DYRK4: variants seen among roughly 807,000 people sequenced by gnomAD.
The protein encoded by DYRK4 is dual specificity tyrosine-phosphorylation-regulated kinase 4.
A neutral mutation model predicts 68.3 loss-of-function variants in DYRK4; 64 were observed. The observed-to-expected ratio is 0.94, with a 90% CI of 0.77 to 1.15. DYRK4 has a LOEUF of 1.15. DYRK4 is among the 50% of genes most tolerant of loss of function. The probability of loss-of-function intolerance (pLI) is 0.00; values close to 1 mark genes in which losing one functional copy is unlikely to be tolerated. For synonymous variants in DYRK4, 274 were observed against 289.9 expected (o/e 0.95, Z 0.56); for missense variants, 740 against 764.7 (o/e 0.97, Z 0.38).
At chr12:4,602,163 G>T (rs1945088651) in intron 10 of DYRK4, 3 of 689,862 alleles carry the variant, frequency 4.3e-6, no homozygotes, top group Non-Finnish European at 5.3e-6. Flanking sequence ...ATATCTGTAT[G>T]AACTTATTTT....
intron 12 of DYRK4, among the ~76,000 whole-genome samples, chr12:4,608,529 TTATAA>T (rs1945180227): frequency 6.6e-6 from 1 of 151,722 alleles, no homozygotes; most frequent in African/African-American, 2.4e-5. Context: ...CATGTGGGGG[TTATAA>T]TTTGTCTATT....
At chr12:4,585,828 A>T (rs1944891464) in intron 2 of DYRK4, among the ~76,000 whole-genome samples, 1 of 152,252 alleles carries the variant, frequency 6.6e-6, no homozygotes, top group African/African-American at 2.4e-5. Flanking sequence ...ACATATTCAT[A>T]CAAAAAGTTT....
Position 4,604,920 on chromosome 12 carries a change from C to A in DYRK4, c.1133C>A (p.Thr378Lys), listed in dbSNP as rs370360080. Residue 378 changes from threonine to lysine, a missense_variant, in exon 11 of 15, where the codon ACG (threonine) becomes AAG (lysine). This residue lies in a region of DYRK4 where 614 missense variants were observed against 603.7 expected (regional missense o/e 1.02). Coordinates refer to ENST00000543431, the MANE Select transcript of DYRK4 (RefSeq NM_001394779.1). ...SSCYEHQKVY[T>K]YIQSRFYRSP... ...TCTTACTTTGCCTCCGCAGTATACA[C>A]GTACATCCAAAGCCGGTTCTACCGA... 1 of 1,607,440 alleles carries A rather than the reference C, an allele frequency of 6.2e-7. No homozygotes were observed. Among genetic ancestry groups the A allele is most frequent in the African/African-American group, 1.3e-5 (1 of 74,840 alleles).
At chr12:4,569,065 A>T (rs1340400175) in intron 2 of DYRK4, among the ~76,000 whole-genome samples, 2 of 152,146 alleles carry the variant, frequency 1.3e-5, no homozygotes, top group Non-Finnish European at 2.9e-5. Context: ...TAAAATTATG[A>T]CTTTAGGTTT....
At position 4,588,998 on chromosome 12, in the gene DYRK4, T is replaced by G. The variant is rs1213354648; in HGVS notation, c.194T>G (p.Met65Arg). ...CCTTCCAATATCAAGAACTCCAGAA[T>G]GACCCAAGTCTTTCATAAGGTAGGG... ...KPPSNIKNSR[M>R]TQVFHKNTSV... The change falls in exon 3 of 15, where the codon ATG becomes AGG. Residue 65 changes from methionine (M) to arginine (R), a missense_variant. Around this residue, in one of 3 missense-constraint regions of DYRK4, gnomAD observed 56 missense variants for 89.9 expected, o/e 0.62. Transcript: ENST00000543431. The G allele has an allele frequency of 6.5e-7, 1 of 1,536,156 alleles. No individual in the cohort carries two copies.
At chr12:4,581,047 G>A in intron 2 of DYRK4, 1 of 339,698 alleles carries the variant, frequency 2.9e-6, no homozygotes, top group Non-Finnish European at 5.8e-6. Flanking sequence ...GCTCTAACTA[G>A]CCCTAAATAG....
Position 4,577,568 on chromosome 12 carries a change from T to C in DYRK4, c.132+9520T>C, listed in dbSNP as rs974659333. On this transcript the variant is annotated intron_variant, in intron 2 of 14. Transcript: ENST00000543431. ...GTAAGTCTTGAGGTTGGGTCATCAG[T>C]CCTCTAACTTTGCTGTTCTTTGGTT... Among the ~76,000 whole-genome samples the C allele has an allele frequency of 7.9e-5, 12 of 152,330 alleles. No individual in the cohort carries two copies. The East Asian group carries it at 2.3e-3, about 29-fold the overall frequency.
At chr12:4,571,302 T>C (rs12306837) in intron 2 of DYRK4, among the ~76,000 whole-genome samples, 9,273 of 152,296 alleles carry the variant, frequency 0.061, 482 homozygotes, top group African/African-American at 0.14. Context: ...AGCTACTTTT[T>C]CTCTGTTAAT....
intron 2 of DYRK4, among the ~76,000 whole-genome samples, chr12:4,586,694 C>T (rs1178064697): frequency 8.3e-6 from 1 of 120,670 alleles, no homozygotes; most frequent in Non-Finnish European, 1.8e-5. Flanking sequence ...CTGCTAAACT[C>T]CTGGGCTGCG....
At chr12:4,599,458 G>A (rs1945056746) in intron 9 of DYRK4, among the ~76,000 whole-genome samples, 1 of 151,940 alleles carries the variant, frequency 6.6e-6, no homozygotes. Flanking sequence ...ATCAATAGGG[G>A]GAAAGTGACA....
At chr12:4,589,132 G>C in intron 3 of DYRK4, 115 bp downstream of exon 3, 1 of 879,322 alleles carries the variant, frequency 1.1e-6, no homozygotes, top group Non-Finnish European at 1.8e-6. Context: ...ATCATAACAT[G>C]ATGACAGCAC....
chr12:4,572,776 G>C (rs139054709), intron 2 of DYRK4: 2 of 154,142 alleles, frequency 1.3e-5, no homozygotes, highest in Non-Finnish European at 2.9e-5. Context: ...TGAGCTCTCC[G>C]GCTGGCACAT....
Position 4,605,068 on chromosome 12 carries a change from G to A in DYRK4, c.1281G>A (p.Gln427=), listed in dbSNP as rs746248271. ...TCCCCGGGGAGAATGAGGTGGAGCAGCTGGCCTGCATCATGGAGGTACGCG... is the reference window on the plus strand; with the variant it reads ...TCCCCGGGGAGAATGAGGTGGAGCAACTGGCCTGCATCATGGAGGTACGCG... ...PLFPGENEVE[Q]LACIMEVLGL... Residue 427 remains glutamine (Q), a synonymous_variant, in exon 11 of 15, where the codon CAG becomes CAA. Transcript: ENST00000543431. The A allele has an allele frequency of 1.2e-6, 2 of 1,613,292 alleles. No individual in the cohort carries two copies. Among genetic ancestry groups the A allele is most frequent in the Non-Finnish European group, 1.7e-6 (2 of 1,179,650 alleles).
intron 2 of DYRK4, among the ~76,000 whole-genome samples, chr12:4,573,579 A>G (rs1342748632): frequency 6.6e-6 from 1 of 152,118 alleles, no homozygotes; most frequent in Non-Finnish European, 1.5e-5. Flanking sequence ...TATCAGTTCG[A>G]CGTTGAAGGT....
In DYRK4 at chr12:4,593,160, C is replaced by T; in HGVS notation, c.622C>T (p.Leu208=). The T allele has an allele frequency of 6.2e-7, 1 of 1,613,560 alleles. No individual in the cohort carries two copies. The highest frequency in any genetic ancestry group is 8.5e-7 in the Non-Finnish European group (1 of 1,179,922). The part of the protein sequence containing the change: ...TSFDDEHGFY[L]KVLHDHIAYR... ...TTTTGATGATGAGCATGGCTTCTAT[C>T]TGAAGGTGATGGGGGTGGGGGCCAT... Residue 208 remains leucine (L), a synonymous_variant, in exon 6 of 15, where the codon CTG becomes TTG. Transcript: ENST00000543431.
intron 12 of DYRK4, chr12:4,609,948 A>G (rs1945198697): frequency 2.7e-6 from 1 of 366,518 alleles, no homozygotes; most frequent in African/African-American, 2.1e-5. Flanking sequence ...GAAAAAATCA[A>G]TTTTTAAAGT....
chr12:4,562,315 C>T (rs1164901609), intron 1 of DYRK4, 32 bp downstream of exon 1: 1 of 1,527,356 alleles, frequency 6.5e-7, no homozygotes, highest in Admixed American at 2.0e-5. Context: ...ACTTCACGAG[C>T]AGTCAGGCGC....
At chr12:4,610,101 T>C in intron 12 of DYRK4, 54 bp from the exon 13 acceptor site, 1 of 1,508,298 alleles carries the variant, frequency 6.6e-7, no homozygotes, top group Non-Finnish European at 8.9e-7. Flanking sequence ...CAGCATCATG[T>C]GACCACTAAA....
At chr12:4,563,863 T>G (rs1944652389) in intron 1 of DYRK4, among the ~76,000 whole-genome samples, 1 of 152,240 alleles carries the variant, frequency 6.6e-6, no homozygotes, top group Non-Finnish European at 1.5e-5. Flanking sequence ...TTTTGCTCAA[T>G]ATAGTTTATT....
Sources: allele counts gnomAD v4.1 joint callset (sites outside exome capture counted in the v4.1 genomes callset), GRCh38; gene constraint gnomAD v4.1.1; regional missense constraint gnomAD v4.1.1; transcripts MANE v1.5; gene names NCBI Gene and HGNC (gene_info 2026-07-23, HGNC 2026-07-21).